The following MANEAL variants were observed in gnomAD, a reference collection of about 807,000 sequenced individuals.
The protein encoded by MANEAL is glycoprotein endo-alpha-1,2-mannosidase-like protein.
A neutral mutation model predicts 35.9 loss-of-function variants in MANEAL; 28 were observed. The observed-to-expected ratio is 0.78, with a 90% CI of 0.58 to 1.07. The LOEUF is 1.07. MANEAL is among the 50% of genes least tolerant of loss of function. The pLI, the probability that MANEAL is intolerant of heterozygous loss-of-function variation, is 0.00. For missense variants in MANEAL, 576 were observed against 629.6 expected (o/e 0.91, Z 0.91); for synonymous variants, 286 against 272.2 (o/e 1.05, Z -0.50).
Position 37,796,745 on chromosome 1 carries a change from T to C in MANEAL, c.662T>C (p.Val221Ala), listed in dbSNP as rs75705909. Reference sequence around the variant, plus strand: ...CCATTACTCCTCTGTTTGTGGCAGGTGGCCTTCCACATCCAACCCTACAAG... The same window carrying C: ...CCATTACTCCTCTGTTTGTGGCAGGCGGCCTTCCACATCCAACCCTACAAG... ...LDTAHQYSIQVAFHIQPYKGR... is the reference protein window; with the variant it reads ...LDTAHQYSIQAAFHIQPYKGR... The change falls in exon 3 of 4, where the codon GTG (valine) becomes GCG (alanine). Residue 221 changes from valine (V) to alanine (A), a missense_variant and splice_region_variant. Val to Ala is a moderately conservative substitution (Grantham distance 64). This residue lies in a region of MANEAL where 449 missense variants were observed against 516.1 expected (regional missense o/e 0.87). Transcript: ENST00000373045. 1.9e-6 allele frequency: 3 copies of C among 1,541,672 alleles called. No individual in the cohort carries two copies. The highest frequency in any genetic ancestry group is 1.7e-6 in the Non-Finnish European group (2 of 1,145,574).
At position 37,799,720 on chromosome 1, in the gene MANEAL, C is replaced by T. The variant is rs149900239; in HGVS notation, c.891C>T (p.Tyr297=). The T allele has an allele frequency of 6.4e-5, 104 of 1,614,250 alleles. No homozygotes were observed. Among genetic ancestry groups the T allele is most frequent in the East Asian group, 4.0e-4 (18 of 44,888 alleles). The part of the protein sequence containing the change: ...NGPHSIRNTP[Y]DGVFIALLVE... The stretch of plus-strand genomic sequence containing the variant: ...CCCATTCGATCCGCAACACGCCCTA[C>T]GATGGGGTCTTCATAGCGCTGCTGG... Residue 297 remains tyrosine (Y), a synonymous_variant, in exon 4 of 4, where the codon TAC becomes TAT. Transcript: ENST00000373045. This position sits in a 1 kb window ranked among gnomAD's most constrained non-coding sequence, Gnocchi z 4.1.
At position 37,794,691 on chromosome 1, in the gene MANEAL, T is replaced by G; in HGVS notation, c.509T>G (p.Val170Gly). 6.2e-7 allele frequency: 1 copy of G among 1,606,080 alleles called. No individual in the cohort carries two copies. Among genetic ancestry groups the G allele is most frequent in the East Asian group, 2.2e-5 (1 of 44,740 alleles). Residue 170 changes from valine to glycine, a missense_variant, in exon 1 of 4, where the codon GTG becomes GGG. Physicochemically the swap from Val to Gly is moderately radical, Grantham distance 109. This residue lies in a region of MANEAL where 449 missense variants were observed against 516.1 expected (regional missense o/e 0.87). Coordinates refer to ENST00000373045, the MANE Select transcript of MANEAL (RefSeq NM_001113482.2). This position sits in a 1 kb window ranked among gnomAD's most constrained non-coding sequence, Gnocchi z 5.7. ...LGPYSSRDPE[V>G]LREHMTQLKE... ...CCCTACAGCTCCCGGGACCCCGAAG[T>G]GCTGCGGGAGCATATGACCCAGCTC...
intron 2 of MANEAL, 88 bp downstream of exon 2, chr1:37,795,934 G>T (rs923586259): frequency 8.5e-7 from 1 of 1,170,752 alleles, no homozygotes; most frequent in South Asian, 1.3e-5. Flanking sequence ...CTCTACAGAA[G>T]TTCTTGGCAG....
In MANEAL at chr1:37,799,691, G is replaced by A. The variant is rs202140511; in HGVS notation, c.862G>A (p.Gly288Arg). The change falls in exon 4 of 4, where the codon GGG becomes AGG. Residue 288 changes from glycine (G) to arginine (R), a missense_variant. Gly to Arg is a moderately radical substitution (Grantham distance 125). Around this residue, in one of 3 missense-constraint regions of MANEAL, gnomAD observed 449 missense variants for 516.1 expected, o/e 0.87. Coordinates refer to ENST00000373045, the MANE Select transcript of MANEAL (RefSeq NM_001113482.2). The surrounding 1 kb of genome is among the most constrained non-coding windows in gnomAD (Gnocchi z 4.1). ...CTGGGCCCACCTCCTGACACCAAAC[G>A]GGCCCCATTCGATCCGCAACACGCC... ...EAWAHLLTPN[G>R]PHSIRNTPYD... 252 of 1,614,090 alleles carry A rather than the reference G, an allele frequency of 1.6e-4. No individual in the cohort carries two copies. The East Asian group carries it at 2.1e-3, about 14-fold the overall frequency.
rs1483934634 is a variant in MANEAL at position 37,800,325 on chromosome 1, G to A, written c.*122G>A. 1.1e-5 allele frequency: 13 copies of A among 1,231,142 alleles called. No individual in the cohort carries two copies. In the East Asian group the frequency reaches 3.2e-4, roughly 31 times the overall value. The allele number at this position is 1,231,142 out of a possible 1,614,324, so 76.3% of individuals were successfully genotyped here. Reference sequence around the variant, plus strand: ...CCAGGTCAGAGGTCAGCAGATGGGTGTTTCTGGGTGGGCCGTCAGGCATGG... The same window carrying A: ...CCAGGTCAGAGGTCAGCAGATGGGTATTTCTGGGTGGGCCGTCAGGCATGG... On this transcript the variant is annotated 3_prime_UTR_variant, in exon 4 of 4. Transcript: ENST00000373045.
In MANEAL at chr1:37,795,810, C is replaced by A. The variant is rs750874271; in HGVS notation, c.624C>A (p.Pro208=). 3.7e-6 allele frequency: 6 copies of A among 1,614,082 alleles called. No homozygotes were observed. Among genetic ancestry groups the A allele is most frequent in the Non-Finnish European group, 5.1e-6 (6 of 1,179,996 alleles). ...GGGAGCCCTCAGATGACCTGGTGCC[C>A]GCCATTCTGGACACCGCCCATCAGT... ...DNGEPSDDLV[P]AILDTAHQYS... is the part of the protein sequence containing the mutation. The change falls in exon 2 of 4, where the codon CCC becomes CCA. Residue 208 remains proline (P), a synonymous_variant. Transcript: ENST00000373045.
chr1:37,795,756 G>T lies in MANEAL; in HGVS notation c.570G>T (p.Trp190Cys), dbSNP rs770792257. The T allele has an allele frequency of 6.2e-7, 1 of 1,614,144 alleles. No homozygotes were observed. The highest frequency in any genetic ancestry group is 1.1e-5 in the South Asian group (1 of 91,078). Reference protein sequence around the residue: ...EAAIGVLVLSWYPPGMADDNG... With the variant: ...EAAIGVLVLSCYPPGMADDNG... ...TCTCAGGCGTCCTGGTCCTGTCCTG[G>T]TACCCACCTGGCATGGCTGATGATA... is the stretch of plus-strand genomic sequence containing the variant. Residue 190 changes from tryptophan to cysteine, a missense_variant, in exon 2 of 4, where the codon TGG (tryptophan) becomes TGT (cysteine). Trp to Cys is a radical substitution (Grantham distance 215, BLOSUM62 -2). Coordinates refer to ENST00000373045, the MANE Select transcript of MANEAL (RefSeq NM_001113482.2).
Position 37,794,390 on chromosome 1 carries a change from C to A in MANEAL, c.208C>A (p.Pro70Thr). The change falls in exon 1 of 4, where the codon CCG becomes ACG. Residue 70 changes from proline (P) to threonine (T), a missense_variant. Transcript: ENST00000373045. This position sits in a 1 kb window ranked among gnomAD's most constrained non-coding sequence, Gnocchi z 5.7. The part of the protein sequence containing the change: ...RAPAAPAAPP[P>T]PPPPPRTADP... ...CCCGGCAGCCCCTGCCGCGCCGCCC[C>A]CGCCGCCGCCGCCGCCCCGCACCGC... 9.1e-7 allele frequency: 1 copy of A among 1,092,932 alleles called. No individual in the cohort carries two copies. Among genetic ancestry groups the A allele is most frequent in the East Asian group, 5.2e-5 (1 of 19,222 alleles). 67.7% of individuals were successfully genotyped at this position (1,092,932 alleles called of 1,614,324 possible).
rs2148388376 is a variant in MANEAL, at chr1:37,800,872, G to A, written c.*669G>A. 6.6e-6 allele frequency: 1 copy of A among 152,546 alleles called. No homozygotes were observed. The highest frequency in any genetic ancestry group is 6.5e-5 in the Admixed American group (1 of 15,312). 9.4% of individuals were successfully genotyped at this position (152,546 alleles called of 1,614,324 possible). A position where few individuals can be genotyped will look rare whatever the true frequency, so the allele number is the denominator to read the frequency against. ...GGACCCAGCTTTCCTTTTCTGGTGT[G>A]GCCTTGTAGCTAGTGCCTGGGCACA... On this transcript the variant is annotated 3_prime_UTR_variant, in exon 4 of 4. Transcript: ENST00000373045.
rs1187317927 is a variant in MANEAL at position 37,796,766 on chromosome 1, A to T, written c.683A>T (p.Tyr228Phe). ...SIQVAFHIQPYKGRDDITVHD... is the reference protein window; with the variant it reads ...SIQVAFHIQPFKGRDDITVHD... ...CAGGTGGCCTTCCACATCCAACCCT[A>T]CAAGGGCCGGGATGACATCACTGTA... The change falls in exon 3 of 4, where the codon TAC becomes TTC. Residue 228 changes from tyrosine to phenylalanine, a missense_variant. Transcript: ENST00000373045. The T allele has an allele frequency of 6.2e-7, 1 of 1,604,222 alleles. No homozygotes were observed. Among genetic ancestry groups the T allele is most frequent in the Admixed American group, 1.7e-5 (1 of 58,108 alleles).
intron 1 of MANEAL, chr1:37,795,484 A>G: frequency 7.6e-7 from 1 of 1,320,066 alleles, no homozygotes; most frequent in Non-Finnish European, 9.7e-7. Flanking sequence ...CTACTTGCTG[A>G]GGCAGTCTAA....
rs543271543 is a variant in MANEAL at position 37,794,398 on chromosome 1, G to A, written c.216G>A (p.Pro72=). 136 of 1,162,032 alleles carry A rather than the reference G, an allele frequency of 1.2e-4. 1 individual carries two copies. In the Admixed American group the frequency reaches 6.0e-3, roughly 52 times the overall value. The allele number at this position is 1,162,032 out of a possible 1,614,324, so 72.0% of individuals were successfully genotyped here. The change falls in exon 1 of 4, where the codon CCG becomes CCA. Residue 72 remains proline, a synonymous_variant. Coordinates refer to ENST00000373045, the MANE Select transcript of MANEAL (RefSeq NM_001113482.2). This position sits in a 1 kb window ranked among gnomAD's most constrained non-coding sequence, Gnocchi z 5.7. ...PAAPAAPPPP[P]PPPRTADPGG... is the part of the protein sequence containing the mutation. ...CCCCTGCCGCGCCGCCCCCGCCGCC[G>A]CCGCCGCCCCGCACCGCGGACCCTG...
intron 1 of MANEAL, chr1:37,795,445 G>C: frequency 8.3e-7 from 1 of 1,204,690 alleles, no homozygotes; most frequent in African/African-American, 1.6e-5. Context: ...AGGTGGGTGT[G>C]GCACTGTCCT....
chr1:37,794,610 G>C lies in MANEAL; in HGVS notation c.428G>C (p.Arg143Pro). 6.2e-7 allele frequency: 1 copy of C among 1,611,102 alleles called. No individual in the cohort carries two copies. The highest frequency in any genetic ancestry group is 8.5e-7 in the Non-Finnish European group (1 of 1,179,478). ...CCCAAGATCTCGGCCAGCTACCCCC[G>C]CGGCCGCCACAGCCCCCCAGACGAC... Reference protein sequence around the residue: ...WDPKISASYPRGRHSPPDDLG... With the variant: ...WDPKISASYPPGRHSPPDDLG... Residue 143 changes from arginine (R) to proline (P), a missense_variant, in exon 1 of 4, where the codon CGC becomes CCC. This residue lies in a region of MANEAL where 449 missense variants were observed against 516.1 expected (regional missense o/e 0.87). Coordinates refer to ENST00000373045, the MANE Select transcript of MANEAL (RefSeq NM_001113482.2). The surrounding 1 kb of genome is among the most constrained non-coding windows in gnomAD (Gnocchi z 5.7).
chr1:37,799,849 G>A lies in MANEAL; in HGVS notation c.1020G>A (p.Trp340Ter). The change falls in exon 4 of 4, where the codon TGG (tryptophan) becomes TGA (stop). Residue 340 changes from tryptophan to a stop codon, truncating the protein, a stop_gained. Coordinates refer to ENST00000373045, the MANE Select transcript of MANEAL (RefSeq NM_001113482.2). LOFTEE classifies it high-confidence loss of function. The surrounding 1 kb of genome is among the most constrained non-coding windows in gnomAD (Gnocchi z 4.1). ...CCTTTGGTTCTTCCCATCAGAACTG[G>A]AAAGCTGTGAAGAACTTTTGTGATG... The part of the protein sequence containing the change: ...GFSFGSSHQN[W>*]KAVKNFCDAN... The A allele has an allele frequency of 6.2e-7, 1 of 1,614,252 alleles. No homozygotes were observed. The highest frequency in any genetic ancestry group is 8.5e-7 in the Non-Finnish European group (1 of 1,180,040).
chr1:37,796,446 C>CG (rs1328665890), intron 2 of MANEAL, among the ~76,000 whole-genome samples: 2 of 152,256 alleles, frequency 1.3e-5, no homozygotes, highest in Non-Finnish European at 1.5e-5. Context: ...ACTTATTCCA[C>CG]TGTTTCAGGC....
intron 2 of MANEAL, among the ~76,000 whole-genome samples, chr1:37,796,371 A>G (rs1646645060): frequency 6.6e-6 from 1 of 152,202 alleles, no homozygotes. Flanking sequence ...CTATTCCTGA[A>G]GAGAATTCCA....
Position 37,796,772 on chromosome 1 carries a change from G to A in MANEAL, c.689G>A (p.Gly230Asp). The change falls in exon 3 of 4, where the codon GGC (glycine) becomes GAC (aspartate). Residue 230 changes from glycine (G) to aspartate (D), a missense_variant. Gly to Asp is a moderately conservative substitution (Grantham distance 94). Transcript: ENST00000373045. ...QVAFHIQPYK[G>D]RDDITVHDNI... Reference sequence around the variant, plus strand: ...GCCTTCCACATCCAACCCTACAAGGGCCGGGATGACATCACTGTACATGAC... The same window carrying A: ...GCCTTCCACATCCAACCCTACAAGGACCGGGATGACATCACTGTACATGAC... 1 of 1,606,508 alleles carries A rather than the reference G, an allele frequency of 6.2e-7. No homozygotes were observed. The highest frequency in any genetic ancestry group is 8.5e-7 in the Non-Finnish European group (1 of 1,176,616).
rs1439736576 is a variant in MANEAL at position 37,800,499 on chromosome 1, A to C, written c.*296A>C. 2.3e-6 allele frequency: 1 copy of C among 443,832 alleles called. No individual in the cohort carries two copies. Among genetic ancestry groups the C allele is most frequent in the African/African-American group, 2.0e-5 (1 of 50,410 alleles). 27.5% of individuals were successfully genotyped at this position (443,832 alleles called of 1,614,324 possible). A position where few individuals can be genotyped will look rare whatever the true frequency, so the allele number is the denominator to read the frequency against. ...TTTCATGTAACCCCTTCTAGTTTTG[A>C]ACTCTGCAGCAGGCTGGTGCTGTGT... On this transcript the variant is annotated 3_prime_UTR_variant, in exon 4 of 4. Transcript: ENST00000373045.
Sources: gnomAD v4.1 joint callset for allele counts (sites outside exome capture counted in the v4.1 genomes callset) on GRCh38, gnomAD v4.1.1 for gene constraint, gnomAD v4.1.1 regional missense constraint, Gnocchi (gnomAD v3.1) non-coding constraint, MANE v1.5 for transcripts, NCBI Gene and HGNC (gene_info 2026-07-23, HGNC 2026-07-21) for gene names.